The following VPS45 variants were observed in gnomAD, a reference collection of about 807,000 sequenced individuals.
The protein encoded by VPS45 is vacuolar protein sorting-associated protein 45.
In VPS45, 35 loss-of-function variants were observed where a neutral mutation model predicts 75.9. The observed-to-expected ratio is 0.46, with a 90% CI of 0.35 to 0.61. VPS45 has a LOEUF of 0.61. VPS45 is among the 20% of genes least tolerant of loss of function. The pLI is 0.00. For missense variants in VPS45, 559 were observed against 685.9 expected, an observed-to-expected ratio of 0.81 and a Z score of 2.07; for synonymous variants, 220 against 238.2, an observed-to-expected ratio of 0.92 and a Z score of 0.70.
chr1:150,133,770 T>C (rs991965528), intron 14 of VPS45, among the ~76,000 whole-genome samples: 10 of 152,246 alleles, frequency 6.6e-5, no homozygotes, highest in Non-Finnish European at 1.3e-4. Context: ...TGTTCTCAGA[T>C]GATAACCACC....
At chr1:150,088,032 G>A (rs1338836862) in intron 10 of VPS45, among the ~76,000 whole-genome samples, 2 of 152,086 alleles carry the variant, frequency 1.3e-5, no homozygotes, top group Non-Finnish European at 2.9e-5. Context: ...AGGGTAATTA[G>A]CATATCCATC....
intron 13 of VPS45, 35 bp from the exon 14 acceptor site, chr1:150,110,461 A>C: frequency 1.3e-6 from 2 of 1,552,446 alleles, no homozygotes; most frequent in Non-Finnish European, 1.7e-6. Flanking sequence ...TTTTTTTCTT[A>C]TCCTGTGATA....
Position 150,077,688 on chromosome 1 carries a change from A to C in VPS45, c.596A>C (p.Tyr199Ser), listed in dbSNP as rs368347807. The change falls in exon 7 of 15, where the codon TAT becomes TCT. Residue 199 changes from tyrosine to serine, a missense_variant. Coordinates refer to ENST00000644510, the MANE Select transcript of VPS45 (RefSeq NM_007259.5). ...CCACAGCAAGTGATAACTAAAGAATATGAACTGTTTGAATTCCGTCGGACA... is the reference window on the plus strand; with the variant it reads ...CCACAGCAAGTGATAACTAAAGAATCTGAACTGTTTGAATTCCGTCGGACA... ...ECVKQVITKE[Y>S]ELFEFRRTEV... 3.7e-6 allele frequency: 6 copies of C among 1,613,788 alleles called. No homozygotes were observed. The African/African-American group carries it at 8.0e-5, about 22-fold the overall frequency.
intron 13 of VPS45, among the ~76,000 whole-genome samples, chr1:150,099,832 C>A (rs1441693553): frequency 6.7e-3 from 723 of 108,438 alleles, no homozygotes; most frequent in Admixed American, 7.7e-3. Flanking sequence ...GACTCCGTCT[C>A]AAAAAAAAAA....
chr1:150,108,983 A>T (rs77087089), intron 13 of VPS45, among the ~76,000 whole-genome samples: 3,279 of 152,112 alleles, frequency 0.022, 98 homozygotes, highest in African/African-American at 0.074. Flanking sequence ...CACCCTCTTC[A>T]TCATTGGTAG....
chr1:150,109,682 CCTT>C (rs1213551640), intron 13 of VPS45: 9 of 152,168 alleles, frequency 5.9e-5, no homozygotes, highest in East Asian at 1.9e-4. Flanking sequence ...AATTTGATCT[CCTT>C]CTTGGTGATA....
intron 14 of VPS45, among the ~76,000 whole-genome samples, chr1:150,112,290 G>T (rs1553807327): frequency 6.6e-6 from 1 of 151,556 alleles, no homozygotes; most frequent in African/African-American, 2.4e-5. Flanking sequence ...TAAAAGTTTT[G>T]TTGTTATTAC....
chr1:150,070,405 A>G (rs1475426939), intron 2 of VPS45, among the ~76,000 whole-genome samples: 2 of 152,222 alleles, frequency 1.3e-5, no homozygotes, highest in East Asian at 3.9e-4. Flanking sequence ...GGTTCAAGAG[A>G]TATGTTAGAG....
chr1:150,116,378 T>C (rs1200922393), intron 14 of VPS45, among the ~76,000 whole-genome samples: 6 of 152,250 alleles, frequency 3.9e-5, no homozygotes, highest in African/African-American at 1.4e-4. Flanking sequence ...ATTGAGTAGA[T>C]ACTGTATGCT....
At position 150,108,066 on chromosome 1, in the gene VPS45, A is replaced by G. The variant is rs1657431351; in HGVS notation, c.1494-2430A>G. ...GGATGAGTCCAAAGTTTTTGGCCCA[A>G]GCAACTAGAAGGCTAAAGTGACCAT... On this transcript the variant is annotated intron_variant, in intron 13 of 14. Coordinates refer to ENST00000644510, the MANE Select transcript of VPS45 (RefSeq NM_007259.5). Among the ~76,000 whole-genome samples the G allele has an allele frequency of 2.0e-5, 3 of 152,228 alleles. No individual in the cohort carries two copies. In the South Asian group the frequency reaches 6.2e-4, roughly 32 times the overall value.
intron 2 of VPS45, among the ~76,000 whole-genome samples, chr1:150,071,113 G>A (rs1655046244): frequency 6.6e-6 from 1 of 151,630 alleles, no homozygotes; most frequent in South Asian, 2.1e-4. Context: ...AGTATATATT[G>A]CTTACTTTTT....
At chr1:150,074,550 A>G (rs1553797679) in intron 3 of VPS45, among the ~76,000 whole-genome samples, 1 of 152,160 alleles carries the variant, frequency 6.6e-6, no homozygotes, top group Non-Finnish European at 1.5e-5. Context: ...TTTTTATGTG[A>G]ACATTAAGTC....
At chr1:150,077,858 A>T (rs1306312354) in intron 7 of VPS45, 79 bp downstream of exon 7, 5 of 1,161,028 alleles carry the variant, frequency 4.3e-6, no homozygotes, top group Non-Finnish European at 6.4e-6. Flanking sequence ...AAGTAAAAAC[A>T]TGGTCCATTT....
intron 14 of VPS45, among the ~76,000 whole-genome samples, chr1:150,119,968 C>T (rs7533714): frequency 0.063 from 9,562 of 152,168 alleles, 1,033 homozygotes; most frequent in African/African-American, 0.22. Flanking sequence ...ATTAGCCAGG[C>T]GTGGTGGCAC....
At chr1:150,111,709 A>G (rs1657659390) in intron 14 of VPS45, among the ~76,000 whole-genome samples, 1 of 152,220 alleles carries the variant, frequency 6.6e-6, no homozygotes. Flanking sequence ...GGTTTTTAAT[A>G]TAACTTTTCT....
At position 150,100,353 on chromosome 1, in the gene VPS45, A is replaced by T. The variant is rs148670753; in HGVS notation, c.1493+6705A>T. 4.3e-3 allele frequency among the ~76,000 whole-genome samples: 658 copies of T among 152,334 alleles called. 2 individuals are homozygous for T. Among genetic ancestry groups the T allele is most frequent in the Middle Eastern group, 0.034 (10 of 294 alleles). Reference sequence around the variant, plus strand: ...TAGAGAAGCCACAAACAAATGGAAAACATCCCATGCTCATGGATAGGAAGA... The same window carrying T: ...TAGAGAAGCCACAAACAAATGGAAATCATCCCATGCTCATGGATAGGAAGA... On this transcript the variant is annotated intron_variant, in intron 13 of 14. Coordinates refer to ENST00000644510, the MANE Select transcript of VPS45 (RefSeq NM_007259.5).
In VPS45 at chr1:150,074,015, T is replaced by A. The variant is rs1237111778; in HGVS notation, c.289+1789T>A. On this transcript the variant is annotated intron_variant, in intron 3 of 14. Coordinates refer to ENST00000644510, the MANE Select transcript of VPS45 (RefSeq NM_007259.5). ...TCTGTGTGTGTGTGTGTGTTGTTTT[T>A]GTTTTTTTTTTTTGTCCGAGAAGCA... Among the ~76,000 whole-genome samples the A allele has an allele frequency of 1.8e-3, 25 of 13,692 alleles. No individual in the cohort carries two copies. In the Admixed American group the frequency reaches 0.028, roughly 15 times the overall value. The allele number at this position is 13,692 out of a possible 152,430, so 9.0% of individuals were successfully genotyped here. A position where few individuals can be genotyped will look rare whatever the true frequency, so the allele number is the denominator to read the frequency against.
Position 150,081,488 on chromosome 1 carries a change from A to G in VPS45, c.822+12A>G. On this transcript the variant is annotated intron_variant, in intron 8 of 14. Transcript: ENST00000644510. ...AATTCTATGCTAATGTAGGTGGTTT[A>G]AATTTTTTTAAATTGTCTTTAGTTG... is the stretch of plus-strand genomic sequence containing the variant. 6.3e-7 allele frequency: 1 copy of G among 1,592,578 alleles called. No homozygotes were observed. The highest frequency in any genetic ancestry group is 1.4e-5 in the African/African-American group (1 of 73,330).
chr1:150,106,603 TTCTC>T (rs1245564109), intron 13 of VPS45, among the ~76,000 whole-genome samples: 2 of 152,130 alleles, frequency 1.3e-5, no homozygotes, highest in African/African-American at 2.4e-5. Context: ...CTTTGTTATT[TTCTC>T]TCTCTTGCTC....
Sources: allele counts gnomAD v4.1 joint callset (sites outside exome capture counted in the v4.1 genomes callset), GRCh38; gene constraint gnomAD v4.1.1; transcripts MANE v1.5; gene names NCBI Gene and HGNC (gene_info 2026-07-23, HGNC 2026-07-21).